Variants in CHST11 observed in about 807,000 individuals in gnomAD.
CHST11 encodes carbohydrate sulfotransferase 11.
In CHST11, 9 loss-of-function variants were observed where a neutral mutation model predicts 30.4. The observed-to-expected ratio is 0.30, with a 90% CI of 0.18 to 0.52. The LOEUF is 0.52. CHST11 is among the 20% of genes least tolerant of loss of function. The pLI is 0.97. For missense variants in CHST11, 348 were observed against 460.6 expected (o/e 0.76, Z 2.24); for synonymous variants, 152 against 187.8 (o/e 0.81, Z 1.56).
intron 1 of CHST11, among the ~76,000 whole-genome samples, chr12:104,483,152 C>T (rs1172151648): frequency 6.6e-6 from 1 of 152,210 alleles, no homozygotes; most frequent in East Asian, 1.9e-4. Context: ...TCTCCACACC[C>T]TTCACATCCC....
chr12:104,597,153 C>T (rs1353281597), intron 1 of CHST11, among the ~76,000 whole-genome samples: 1 of 152,130 alleles, frequency 6.6e-6, no homozygotes, highest in African/African-American at 2.4e-5. Flanking sequence ...AATGGAGTGT[C>T]CACTTGAAAA....
chr12:104,627,943 T>C (rs1255964059), intron 2 of CHST11, among the ~76,000 whole-genome samples: 1 of 152,142 alleles, frequency 6.6e-6, no homozygotes, highest in Non-Finnish European at 1.5e-5. Flanking sequence ...ATTTCAATCA[T>C]CACAACTCTT....
At chr12:104,680,762 A>C (rs2136101783) in intron 2 of CHST11, among the ~76,000 whole-genome samples, 1 of 151,768 alleles carries the variant, frequency 6.6e-6, no homozygotes, top group East Asian at 1.9e-4. Flanking sequence ...CTTATACCAC[A>C]CTCCCCCGGG....
At chr12:104,711,301 G>A (rs1193377701) in intron 2 of CHST11, among the ~76,000 whole-genome samples, 1 of 152,122 alleles carries the variant, frequency 6.6e-6, no homozygotes, top group Non-Finnish European at 1.5e-5. Context: ...GGCAGTCCCT[G>A]GCACTTTCTT....
intron 2 of CHST11, among the ~76,000 whole-genome samples, chr12:104,664,361 T>C (rs114436919): frequency 0.014 from 2,197 of 152,360 alleles, 50 homozygotes; most frequent in African/African-American, 0.049. Flanking sequence ...AGTGTGGTCT[T>C]CTTAGGTCTT....
At chr12:104,597,716 C>T (rs770341203) in intron 1 of CHST11, among the ~76,000 whole-genome samples, 9 of 152,160 alleles carry the variant, frequency 5.9e-5, no homozygotes, top group Non-Finnish European at 1.3e-4. Context: ...AAAAACTTGT[C>T]GAATGAATGA....
intron 1 of CHST11, among the ~76,000 whole-genome samples, chr12:104,488,636 TGC>T (rs1372305674): frequency 3.0e-5 from 4 of 133,030 alleles, no homozygotes; most frequent in Admixed American, 1.5e-4. Context: ...TATGTGTGTG[TGC>T]GTGTGTATGT....
intron 1 of CHST11, among the ~76,000 whole-genome samples, chr12:104,521,815 C>A (rs1323288844): frequency 6.6e-6 from 1 of 152,204 alleles, no homozygotes; most frequent in Non-Finnish European, 1.5e-5. Flanking sequence ...CTGTCCCCAG[C>A]CTGGTGAGTC....
At chr12:104,683,961 G>A (rs551938145) in intron 2 of CHST11, among the ~76,000 whole-genome samples, 122 of 152,270 alleles carry the variant, frequency 8.0e-4, no homozygotes, top group Middle Eastern at 6.8e-3. Flanking sequence ...CCAATTCAGT[G>A]GATTAGAAGG....
chr12:104,564,641 CT>C (rs946867432), intron 1 of CHST11, among the ~76,000 whole-genome samples: 23 of 152,162 alleles, frequency 1.5e-4, no homozygotes, highest in Non-Finnish European at 1.0e-4. Context: ...AATCTTGCCT[CT>C]TTTTTCCCCA....
rs559967652 is a variant in CHST11 at position 104,670,536 on chromosome 12, CACTT to C, written c.204+68548_204+68551del. ...ACACATCCATACACACATGCACTCA[CACTT>C]ACACACACACTCCCACACATACACA... On this transcript the variant is annotated intron_variant, in intron 2 of 2. Coordinates refer to ENST00000303694, the MANE Select transcript of CHST11 (RefSeq NM_018413.6). Among the ~76,000 whole-genome samples the C allele has an allele frequency of 4.4e-3, 660 of 151,684 alleles. 4 individuals carry two copies. Among genetic ancestry groups the C allele is most frequent in the African/African-American group, 0.014 (580 of 41,222 alleles).
intron 2 of CHST11, among the ~76,000 whole-genome samples, chr12:104,631,726 G>C (rs563508768): frequency 6.6e-6 from 1 of 152,318 alleles, no homozygotes; most frequent in South Asian, 2.1e-4. Context: ...ACTCAGTGCT[G>C]AATGAAAATG....
At chr12:104,523,149 G>C (rs1424313575) in intron 1 of CHST11, among the ~76,000 whole-genome samples, 7 of 152,260 alleles carry the variant, frequency 4.6e-5, no homozygotes, top group Admixed American at 1.3e-4. Context: ...TTTGCCTTCA[G>C]ATGCAGAAAC....
chr12:104,683,951 C>T (rs190309088), intron 2 of CHST11, among the ~76,000 whole-genome samples: 1 of 152,246 alleles, frequency 6.6e-6, no homozygotes, highest in Non-Finnish European at 1.5e-5. Flanking sequence ...TGGAGTCCTA[C>T]CAATTCAGTG....
At chr12:104,502,463 G>A (rs2037861502) in intron 1 of CHST11, among the ~76,000 whole-genome samples, 1 of 151,988 alleles carries the variant, frequency 6.6e-6, no homozygotes, top group Non-Finnish European at 1.5e-5. Context: ...GGTTGCTGTG[G>A]GGAAAAAAAG....
intron 1 of CHST11, among the ~76,000 whole-genome samples, chr12:104,462,167 C>T (rs77636520): frequency 7.6e-5 from 5 of 65,594 alleles, no homozygotes; most frequent in East Asian, 5.9e-4. Context: ...AACACCATCT[C>T]AAAAAAAAAA....
At position 104,609,416 on chromosome 12, in the gene CHST11, A is replaced by G. The variant is rs78792975; in HGVS notation, c.204+7425A>G. On this transcript the variant is annotated intron_variant, in intron 2 of 2. Coordinates refer to ENST00000303694, the MANE Select transcript of CHST11 (RefSeq NM_018413.6). Reference sequence around the variant, plus strand: ...AAATTACAATAGACTAGCGAGGCCCATTGCAAAAAACCACGGACAGTGAAC... The same window carrying G: ...AAATTACAATAGACTAGCGAGGCCCGTTGCAAAAAACCACGGACAGTGAAC... Among the ~76,000 whole-genome samples, 129 of 152,364 alleles carry G rather than the reference A, an allele frequency of 8.5e-4. 1 individual carries two copies. Among genetic ancestry groups the G allele is most frequent in the East Asian group, 7.3e-3 (38 of 5,190 alleles).
rs1252905340 is a variant in CHST11 at position 104,458,996 on chromosome 12, T to C, written c.118+1467T>C. On this transcript the variant is annotated intron_variant, in intron 1 of 2. Transcript: ENST00000303694. This position sits in a 1 kb window ranked among gnomAD's most constrained non-coding sequence, Gnocchi z 5.7. The stretch of plus-strand genomic sequence containing the variant: ...CAGACGGCCCCTTTGCCCCACTCGG[T>C]CTGGAGCAGTTGTTAAGGCAGCCAC... Among the ~76,000 whole-genome samples, 1 of 152,172 alleles carries C rather than the reference T, an allele frequency of 6.6e-6. No homozygotes were observed. The highest frequency in any genetic ancestry group is 1.5e-5 in the Non-Finnish European group (1 of 68,030).
intron 1 of CHST11, among the ~76,000 whole-genome samples, chr12:104,545,677 C>G (rs2038340090): frequency 1.3e-5 from 2 of 152,138 alleles, no homozygotes; most frequent in Non-Finnish European, 2.9e-5. Flanking sequence ...TTTTCACAGT[C>G]TGGAAGCTGA....
Sources: gnomAD v4.1 joint callset for allele counts (sites outside exome capture counted in the v4.1 genomes callset) on GRCh38, gnomAD v4.1.1 for gene constraint, Gnocchi (gnomAD v3.1) non-coding constraint, MANE v1.5 for transcripts, NCBI Gene and HGNC (gene_info 2026-07-23, HGNC 2026-07-21) for gene names.